Variants in SLC29A2 observed in about 807,000 individuals in gnomAD.
The protein encoded by SLC29A2 is equilibrative nucleoside transporter 2.
SLC29A2 carries 37 observed loss-of-function variants against 48.8 expected under a neutral mutation model. The observed-to-expected ratio is 0.76, with a 90% confidence interval of 0.58 to 1.00. The LOEUF (loss-of-function observed/expected upper bound fraction) is 1.00. Ranked by LOEUF, SLC29A2 falls within the 50% of genes least tolerant of loss-of-function variation. SLC29A2 has a pLI of 0.00. For missense variants in SLC29A2, 533 were observed against 578.6 expected (o/e 0.92, Z 0.81); for synonymous variants, 233 against 261.7 (o/e 0.89, Z 1.06).
At chr11:66,365,365 A>G (rs1178524288) in intron 10 of SLC29A2, among the ~76,000 whole-genome samples, 1 of 152,100 alleles carries the variant, frequency 6.6e-6, no homozygotes, top group Non-Finnish European at 1.5e-5. Context: ...GAAATCAGGG[A>G]CTGGCCTGGG....
Position 66,368,804 on chromosome 11 carries a change from G to A in SLC29A2, c.416-133C>T, listed in dbSNP as rs933186818. On this transcript the variant is annotated intron_variant, in intron 4 of 11. Coordinates refer to ENST00000357440, the MANE Select transcript of SLC29A2 (RefSeq NM_001532.3). ...GTGTGAGCTTCCCTAGGGACTCTGAGCACTCGGGGGCAACACCCGCTATTC... is the reference window on the plus strand; with the variant it reads ...GTGTGAGCTTCCCTAGGGACTCTGAACACTCGGGGGCAACACCCGCTATTC... 3.2e-6 allele frequency: 4 copies of A among 1,236,096 alleles called. No individual in the cohort carries two copies. The African/African-American group carries it at 6.0e-5, about 18-fold the overall frequency. 76.6% of individuals were successfully genotyped at this position (1,236,096 alleles called of 1,614,324 possible).
Position 66,363,077 on chromosome 11 carries a change from C to T in SLC29A2, c.*359G>A, listed in dbSNP as rs1047029. 209,012 of 325,136 alleles carry T rather than the reference C, an allele frequency of 0.64. 71,359 individuals are homozygous for T. The highest frequency in any genetic ancestry group is 0.8 in the South Asian group (30,354 of 37,714). The allele number at this position is 325,136 out of a possible 1,614,324, so 20.1% of individuals were successfully genotyped here. A position where few individuals can be genotyped will look rare whatever the true frequency, so the allele number is the denominator to read the frequency against. ...AGGCGCTCCTGGCCTGGGCTGGCCC[C>T]GCCTCCCACTCTGAACCCTCTGGTC... On this transcript the variant is annotated 3_prime_UTR_variant, in exon 12 of 12. Transcript: ENST00000357440.
At chr11:66,364,491 AC>A in intron 10 of SLC29A2, 67 bp from the exon 11 acceptor site, 2 of 1,116,376 alleles carry the variant, frequency 1.8e-6, no homozygotes, top group Non-Finnish European at 1.3e-6. Flanking sequence ...ATCTCAGGAC[AC>A]CCATAGAGTA....
At chr11:66,366,818 C>T (rs765589617) in intron 7 of SLC29A2, among the ~76,000 whole-genome samples, 21 of 152,252 alleles carry the variant, frequency 1.4e-4, no homozygotes, top group Non-Finnish European at 2.8e-4. Flanking sequence ...GCATGGCAGC[C>T]TGCACCTATA....
intron 7 of SLC29A2, among the ~76,000 whole-genome samples, chr11:66,366,941 T>C (rs1855732647): frequency 6.6e-6 from 1 of 152,000 alleles, no homozygotes; most frequent in Non-Finnish European, 1.5e-5. Context: ...AGATCCTGAC[T>C]CAAAATAACA....
intron 1 of SLC29A2, 46 bp downstream of exon 1, chr11:66,371,517 G>A: frequency 6.5e-7 from 1 of 1,547,776 alleles, no homozygotes; most frequent in South Asian, 1.2e-5. Context: ...CAGGGAGCGG[G>A]TCTGCAACGC....
chr11:66,367,901 C>T (rs1167098628), intron 5 of SLC29A2, 32 bp from the exon 6 acceptor site: 22 of 1,584,144 alleles, frequency 1.4e-5, no homozygotes, highest in Admixed American at 1.7e-5. Context: ...AGAAGAGAGG[C>T]ACCTGGTCCC....
At chr11:66,366,806 G>C (rs759642617) in intron 7 of SLC29A2, among the ~76,000 whole-genome samples, 1 of 152,048 alleles carries the variant, frequency 6.6e-6, no homozygotes, top group Non-Finnish European at 1.5e-5. Context: ...AAAATTAGCC[G>C]GGCATGGCAG....
rs1044235645 is a variant in SLC29A2, at chr11:66,363,511, G to A, written c.1296C>T (p.Ala432=). 2 of 1,614,064 alleles carry A rather than the reference G, an allele frequency of 1.2e-6. No individual in the cohort carries two copies. The highest frequency in any genetic ancestry group is 2.2e-5 in the East Asian group (1 of 44,880). ...CCAGGGCCAGGAAGAAGGTCATGAG[G>A]GCGCCGGCCACCTCCCTCTCGTGTG... ...VLPHEREVAG[A]LMTFFLALGL... Residue 432 remains alanine, a synonymous_variant, in exon 12 of 12, where the codon GCC becomes GCT. Transcript: ENST00000357440.
chr11:66,364,803 G>C (rs532240442), intron 10 of SLC29A2: 1 of 183,556 alleles, frequency 5.4e-6, no homozygotes, highest in Admixed American at 5.8e-5. Context: ...CACCATACCC[G>C]GCCTCTATTT....
upstream of SLC29A2, chr11:66,372,223 C>A (rs1270733651): frequency 6.6e-6 from 1 of 152,254 alleles, no homozygotes; most frequent in Non-Finnish European, 1.5e-5. Context: ...ACAGGTCGCC[C>A]GCGATCCTGG....
chr11:66,369,092 G>T lies in SLC29A2; in HGVS notation c.383C>A (p.Ser128Tyr). The change falls in exon 4 of 12, where the codon TCC becomes TAC. Residue 128 changes from serine (S) to tyrosine (Y), a missense_variant. Coordinates refer to ENST00000357440, the MANE Select transcript of SLC29A2 (RefSeq NM_001532.3). ...KVDMSPGPFF[S>Y]ITMASVCFIN... ...GAAGCAGACGGAGGCCATGGTGATG[G>T]AGAAGAAGGGTCCGGGGCTCATGTC... The T allele has an allele frequency of 6.3e-7, 1 of 1,599,290 alleles. No individual in the cohort carries two copies. The highest frequency in any genetic ancestry group is 8.5e-7 in the Non-Finnish European group (1 of 1,173,210).
chr11:66,363,408 G>C lies in SLC29A2; in HGVS notation c.*28C>G, dbSNP rs751835374. On this transcript the variant is annotated 3_prime_UTR_variant, in exon 12 of 12. Coordinates refer to ENST00000357440, the MANE Select transcript of SLC29A2 (RefSeq NM_001532.3). ...GCTCCGGAAGGAGACGTCGAGAAGA[G>C]GCTGCCAAAGAGCCTGGAGGGGCCA... 1 of 1,535,834 alleles carries C rather than the reference G, an allele frequency of 6.5e-7. No individual in the cohort carries two copies. Among genetic ancestry groups the C allele is most frequent in the Non-Finnish European group, 9.0e-7 (1 of 1,109,268 alleles).
upstream of SLC29A2, chr11:66,372,229 C>G (rs2135021280): frequency 6.6e-6 from 1 of 152,388 alleles, no homozygotes; most frequent in Admixed American, 6.5e-5. Flanking sequence ...CGCCCGCGAT[C>G]CTGGCGGGCT....
chr11:66,363,463 G>C lies in SLC29A2; in HGVS notation c.1344C>G (p.Leu448=). 1.2e-6 allele frequency: 2 copies of C among 1,614,110 alleles called. No individual in the cohort carries two copies. Among genetic ancestry groups the C allele is most frequent in the Non-Finnish European group, 1.7e-6 (2 of 1,179,934 alleles). The change falls in exon 12 of 12, where the codon CTC becomes CTG. Residue 448 remains leucine, a synonymous_variant. Coordinates refer to ENST00000357440, the MANE Select transcript of SLC29A2 (RefSeq NM_001532.3). ...AGAGCAGCGCCTTGAAGAGGAAGGA[G>C]AGGGAGGCTCCACAGGAAAGTCCCA... ...LALGLSCGAS[L]SFLFKALL
Position 66,362,985 on chromosome 11 carries a change from CCTCCT to C in SLC29A2, c.*446_*450del. 3.8e-6 allele frequency: 1 copy of C among 260,238 alleles called. No homozygotes were observed. Among genetic ancestry groups the C allele is most frequent in the Non-Finnish European group, 7.7e-6 (1 of 130,520 alleles). The allele number at this position is 260,238 out of a possible 1,614,324, so 16.1% of individuals were successfully genotyped here. ...CACCCTCAGGTCCTCCACATCTGTT[CCTCCT>C]CTCAGGTGCCCACAACTTCCCTGGC... On this transcript the variant is annotated 3_prime_UTR_variant, in exon 12 of 12. Transcript: ENST00000357440.
rs553637970 is a variant in SLC29A2, at chr11:66,363,196, A to T, written c.*240T>A. 2 of 542,618 alleles carry T rather than the reference A, an allele frequency of 3.7e-6. No individual in the cohort carries two copies. The highest frequency in any genetic ancestry group is 6.7e-6 in the Non-Finnish European group (2 of 298,376). 33.6% of individuals were successfully genotyped at this position (542,618 alleles called of 1,614,324 possible). A position where few individuals can be genotyped will look rare whatever the true frequency, so the allele number is the denominator to read the frequency against. On this transcript the variant is annotated 3_prime_UTR_variant, in exon 12 of 12. Transcript: ENST00000357440. ...CTTTTCCCTAGTCATCACCCTTTCC[A>T]TGAGGTCTTGTGCGAGTCACCCCCA...
intron 4 of SLC29A2, 99 bp from the exon 5 acceptor site, chr11:66,368,770 G>A (rs984492336): frequency 2.0e-6 from 3 of 1,494,062 alleles, no homozygotes; most frequent in African/African-American, 1.4e-5. Context: ...TCTGGACAAG[G>A]TTGCGCAGGT....
chr11:66,364,121 G>A, intron 11 of SLC29A2, 104 bp downstream of exon 11: 1 of 987,670 alleles, frequency 1.0e-6, no homozygotes, highest in Non-Finnish European at 1.5e-6. Flanking sequence ...GGTTGGGCTG[G>A]CCAGAAGCAG....
Sources: gnomAD v4.1 joint callset for allele counts (sites outside exome capture counted in the v4.1 genomes callset) on GRCh38, gnomAD v4.1.1 for gene constraint, MANE v1.5 for transcripts, NCBI Gene and HGNC (gene_info 2026-07-23, HGNC 2026-07-21) for gene names.